RBFOX1: variants seen among roughly 807,000 people sequenced by gnomAD.
The protein encoded by RBFOX1 is RNA binding protein fox-1 homolog 1.
A neutral mutation model predicts 57.7 loss-of-function variants in RBFOX1; 8 were observed. That is an observed-to-expected ratio of 0.14 (90% CI 0.08 to 0.25). The LOEUF is 0.25. RBFOX1 is among the 10% of genes least tolerant of loss of function. The probability of loss-of-function intolerance (pLI) is 1.00; values close to 1 mark genes in which losing one functional copy is unlikely to be tolerated. For missense variants in RBFOX1, 611 were observed against 548.5 expected (o/e 1.11, Z -1.14); for synonymous variants, 326 against 222.4 (o/e 1.47, Z -4.15).
intron 3 of RBFOX1, among the ~76,000 whole-genome samples, chr16:6,884,263 G>C (rs1394324222): frequency 1.3e-5 from 2 of 152,154 alleles, no homozygotes; most frequent in Admixed American, 6.5e-5. Flanking sequence ...ATAAGTATGT[G>C]TCCAGCTTTC....
chr16:7,212,545 T>G (rs968007511), intron 4 of RBFOX1, among the ~76,000 whole-genome samples: 4 of 152,130 alleles, frequency 2.6e-5, no homozygotes, highest in African/African-American at 9.7e-5. Context: ...GGATCAGTCC[T>G]GGGCACGAAC....
chr16:6,631,401 G>C (rs776627177), intron 2 of RBFOX1, among the ~76,000 whole-genome samples: 1 of 151,284 alleles, frequency 6.6e-6, no homozygotes, highest in African/African-American at 2.5e-5. Flanking sequence ...TTTTTATTAT[G>C]AAACATATTT....
At chr16:7,220,773 G>T (rs1223457944) in intron 4 of RBFOX1, among the ~76,000 whole-genome samples, 1 of 152,078 alleles carries the variant, frequency 6.6e-6, no homozygotes, top group African/African-American at 2.4e-5. Context: ...GACCTATCAG[G>T]GCTGGCCGTA....
chr16:6,915,639 C>G lies in RBFOX1; in HGVS notation c.-15-136418C>G, dbSNP rs143967255. ...GATCTCAGGTCACTGCAACCTCTGC[C>G]TCTCGGGTTCAAGTGATCCTCCTGC... On this transcript the variant is annotated intron_variant, in intron 3 of 15. Transcript: ENST00000550418. 3.4e-4 allele frequency among the ~76,000 whole-genome samples: 52 copies of G among 151,166 alleles called. No homozygotes were observed. The East Asian group carries it at 7.8e-3, about 23-fold the overall frequency.
chr16:7,316,123 C>T (rs767583190), intron 4 of RBFOX1, among the ~76,000 whole-genome samples: 1 of 152,112 alleles, frequency 6.6e-6, no homozygotes, highest in Non-Finnish European at 1.5e-5. Context: ...AATCATGCAG[C>T]GTGCCAAGAA....
At chr16:7,057,873 T>C (rs543575381) in intron 4 of RBFOX1, among the ~76,000 whole-genome samples, 1 of 152,034 alleles carries the variant, frequency 6.6e-6, no homozygotes, top group African/African-American at 2.4e-5. Flanking sequence ...CCAGGCATGG[T>C]GGCGGGCGCC....
intron 2 of RBFOX1, among the ~76,000 whole-genome samples, chr16:6,608,793 T>C (rs914256694): frequency 6.6e-6 from 1 of 152,196 alleles, no homozygotes; most frequent in African/African-American, 2.4e-5. Context: ...AAAACAGAAG[T>C]TGGTCATCTC....
At chr16:5,510,055 C>G (rs2043527538) in intron 2 of RBFOX1, among the ~76,000 whole-genome samples, 1 of 152,188 alleles carries the variant, frequency 6.6e-6, no homozygotes, top group African/African-American at 2.4e-5. Context: ...GCTCCTTTGC[C>G]TCCTTTGGAG....
chr16:5,347,696 C>G (rs893539406), intron 1 of RBFOX1, among the ~76,000 whole-genome samples: 1 of 149,714 alleles, frequency 6.7e-6, no homozygotes, highest in Non-Finnish European at 1.5e-5. Context: ...ACTCTCCTAC[C>G]CTTCCACCCA....
At chr16:5,622,421 C>T (rs1006314211) in intron 3 of RBFOX1, among the ~76,000 whole-genome samples, 10 of 152,170 alleles carry the variant, frequency 6.6e-5, no homozygotes, top group African/African-American at 1.7e-4. Context: ...CAGTACCTGG[C>T]GTAGTAAGCC....
chr16:5,904,217 C>G (rs936394315), intron 4 of RBFOX1, among the ~76,000 whole-genome samples: 2 of 152,064 alleles, frequency 1.3e-5, no homozygotes, highest in Non-Finnish European at 2.9e-5. Context: ...CTCGGCAAGC[C>G]TTGAAATTCT....
At chr16:6,416,193 C>T (rs563480251) in intron 2 of RBFOX1, among the ~76,000 whole-genome samples, 8 of 152,162 alleles carry the variant, frequency 5.3e-5, no homozygotes, top group African/African-American at 7.2e-5. Context: ...CTCGCTTATG[C>T]GGAAGGAGAA....
chr16:6,265,293 G>A (rs77658807), intron 1 of RBFOX1, among the ~76,000 whole-genome samples: 2,720 of 151,916 alleles, frequency 0.018, 54 homozygotes, highest in African/African-American at 0.053. Flanking sequence ...ACAGAATCTT[G>A]CTTTGTCACC....
At chr16:6,214,676 AAG>A (rs1268287744) in intron 1 of RBFOX1, among the ~76,000 whole-genome samples, 1 of 100,038 alleles carries the variant, frequency 1.0e-5, no homozygotes, top group African/African-American at 3.9e-5. Context: ...AGAGAGGGAG[AAG>A]GGGAGAGGGA....
intron 1 of RBFOX1, among the ~76,000 whole-genome samples, chr16:6,254,429 G>A (rs1393895310): frequency 1.3e-5 from 2 of 152,182 alleles, no homozygotes; most frequent in Non-Finnish European, 2.9e-5. Flanking sequence ...AAGCTGATGT[G>A]AAATTAAATC....
intron 2 of RBFOX1, among the ~76,000 whole-genome samples, chr16:6,494,368 G>A (rs1437392738): frequency 2.0e-5 from 3 of 152,054 alleles, no homozygotes; most frequent in African/African-American, 4.8e-5. Flanking sequence ...GCTATCTCTC[G>A]CGACCACCTG....
intron 2 of RBFOX1, among the ~76,000 whole-genome samples, chr16:6,318,955 C>T (rs968964890): frequency 6.6e-6 from 1 of 151,662 alleles, no homozygotes; most frequent in African/African-American, 2.4e-5. Context: ...AACCTCAATC[C>T]CCTTCAGAGA....
intron 3 of RBFOX1, among the ~76,000 whole-genome samples, chr16:6,965,985 G>C (rs1482882634): frequency 6.6e-6 from 1 of 152,066 alleles, no homozygotes; most frequent in Non-Finnish European, 1.5e-5. Context: ...TTTGGAATGG[G>C]GAGTAAATGC....
chr16:5,892,537 G>A (rs1476001265), intron 4 of RBFOX1, among the ~76,000 whole-genome samples: 1 of 152,166 alleles, frequency 6.6e-6, no homozygotes, highest in Admixed American at 6.5e-5. Flanking sequence ...AGAGAAGGAG[G>A]TCATAAAGCA....
Sources: allele counts gnomAD v4.1 joint callset (sites outside exome capture counted in the v4.1 genomes callset), GRCh38; gene constraint gnomAD v4.1.1; transcripts MANE v1.5; gene names NCBI Gene and HGNC (gene_info 2026-07-23, HGNC 2026-07-21).